LAMA2: variants seen among roughly 807,000 people sequenced by gnomAD.
LAMA2 encodes the protein laminin subunit alpha-2.
Under a neutral mutation model 364.8 loss-of-function variants are expected in LAMA2, and 269 were observed. The observed-to-expected ratio is 0.74, with a 90% CI of 0.67 to 0.82. The LOEUF is 0.82. Among genes scored for constraint, LAMA2 ranks in the 40% least tolerant of loss-of-function variants. LAMA2 has a pLI of 0.00. For missense variants in LAMA2, 3,807 were observed against 3,873.2 expected (o/e 0.98, Z 0.45); for synonymous variants, 1,379 against 1,370.6 (o/e 1.01, Z -0.14).
Position 129,464,430 on chromosome 6 carries a change from T to C in LAMA2, c.7133T>C (p.Met2378Thr). The C allele has an allele frequency of 6.2e-7, 1 of 1,612,282 alleles. No individual in the cohort carries two copies. The highest frequency in any genetic ancestry group is 1.3e-5 in the African/African-American group (1 of 74,910). The change falls in exon 50 of 65, where the codon ATG becomes ACG. Residue 2378 changes from methionine to threonine, a missense_variant. This residue lies in a region of LAMA2 where 3,333 missense variants were observed against 3,345.7 expected (regional missense o/e 1.00). Transcript: ENST00000421865. ...ACATTTTCTTCGAGTGCTCTTCTGA[T>C]GTATCTTGCCACACGAGACCTGGTA... The part of the protein sequence containing the change: ...FRTFSSSALL[M>T]YLATRDLRDF...
At chr6:129,025,238 C>T (rs1410530339) in intron 1 of LAMA2, among the ~76,000 whole-genome samples, 1 of 152,190 alleles carries the variant, frequency 6.6e-6, no homozygotes, top group Non-Finnish European at 1.5e-5. Context: ...AGTACATCTT[C>T]CACTTCTAGT....
chr6:129,202,065 G>A (rs1223526553), intron 12 of LAMA2, among the ~76,000 whole-genome samples: 2 of 151,528 alleles, frequency 1.3e-5, no homozygotes, highest in African/African-American at 4.9e-5. Context: ...GTGCACACCT[G>A]TAGTCCCAGC....
At chr6:129,098,590 A>G (rs1775326170) in intron 4 of LAMA2, among the ~76,000 whole-genome samples, 175 bp downstream of exon 4, 1 of 152,236 alleles carries the variant, frequency 6.6e-6, no homozygotes, top group African/African-American at 2.4e-5. Context: ...TTAGAATTTT[A>G]ACTACCTTCA....
At chr6:129,375,862 C>T (rs748801005) in intron 34 of LAMA2, among the ~76,000 whole-genome samples, 2 of 152,186 alleles carry the variant, frequency 1.3e-5, no homozygotes, top group Non-Finnish European at 2.9e-5. Flanking sequence ...CATTATTTCT[C>T]CTGTGTAGAA....
intron 1 of LAMA2, among the ~76,000 whole-genome samples, chr6:128,917,101 T>A (rs997572144): frequency 8.5e-5 from 13 of 152,092 alleles, no homozygotes; most frequent in Non-Finnish European, 1.6e-4. Context: ...TTTCCTTTTT[T>A]AAAATCCCAT....
intron 40 of LAMA2, among the ~76,000 whole-genome samples, chr6:129,415,152 T>C (rs1780720210): frequency 6.6e-6 from 1 of 152,232 alleles, no homozygotes; most frequent in South Asian, 2.1e-4. Flanking sequence ...CCTTTTTTCC[T>C]CGTCCTCTCA....
At chr6:129,158,675 G>C (rs1266897920) in intron 8 of LAMA2, 1 of 1,614,012 alleles carries the variant, frequency 6.2e-7, no homozygotes, top group Non-Finnish European at 8.5e-7. Context: ...ATCGAATGCT[G>C]CCATCAAAAA....
rs760368292 is a variant in LAMA2 at position 129,465,160 on chromosome 6, G to C, written c.7171G>C (p.Val2391Leu). The C allele has an allele frequency of 3.7e-6, 6 of 1,610,672 alleles. No individual in the cohort carries two copies. The East Asian group carries it at 1.3e-4, about 36-fold the overall frequency. The change falls in exon 51 of 65, where the codon GTG becomes CTG. Residue 2391 changes from valine to leucine, a missense_variant. Val to Leu is a conservative substitution (Grantham distance 32, BLOSUM62 1). This residue lies in a region of LAMA2 where 3,333 missense variants were observed against 3,345.7 expected (regional missense o/e 1.00). Transcript: ENST00000421865. ...ATRDLRDFMS[V>L]ELTDGHIKVS... ...CTATTAATAGAGAGATTTCATGAGTGTGGAGCTCACTGATGGGCACATAAA... is the reference window on the plus strand; with the variant it reads ...CTATTAATAGAGAGATTTCATGAGTCTGGAGCTCACTGATGGGCACATAAA...
intron 22 of LAMA2, among the ~76,000 whole-genome samples, chr6:129,301,657 C>T (rs1773557406): frequency 6.6e-6 from 1 of 152,006 alleles, no homozygotes. Flanking sequence ...GGAGCAAGTT[C>T]AGGAAGGAAA....
intron 1 of LAMA2, among the ~76,000 whole-genome samples, chr6:128,906,076 A>G (rs1264321798): frequency 1.3e-5 from 2 of 149,682 alleles, no homozygotes; most frequent in Non-Finnish European, 3.0e-5. Flanking sequence ...GCTATTGTGA[A>G]TAGTGCCGCA....
intron 40 of LAMA2, among the ~76,000 whole-genome samples, chr6:129,418,139 C>T (rs1325954067): frequency 3.3e-5 from 5 of 152,136 alleles, no homozygotes; most frequent in Non-Finnish European, 7.3e-5. Context: ...GTTTTCATCG[C>T]CTGCTCCCTC....
intron 4 of LAMA2, among the ~76,000 whole-genome samples, chr6:129,103,641 T>C (rs1411779012): frequency 1.3e-5 from 2 of 152,174 alleles, no homozygotes; most frequent in East Asian, 1.9e-4. Flanking sequence ...TTGCCTGATG[T>C]TTTTTCATGG....
chr6:129,486,726 A>G (rs1356203039), intron 56 of LAMA2, 104 bp downstream of exon 56: 15 of 1,008,248 alleles, frequency 1.5e-5, no homozygotes, highest in Non-Finnish European at 2.4e-5. Flanking sequence ...GTGTGGACCT[A>G]CTATGCATTG....
In LAMA2 at chr6:128,988,419, G is replaced by A. The variant is rs571097798; in HGVS notation, c.113-61499G>A. Among the ~76,000 whole-genome samples, 66 of 152,200 alleles carry A rather than the reference G, an allele frequency of 4.3e-4. 2 individuals carry two copies. The South Asian group carries it at 0.012, about 29-fold the overall frequency. ...TTTTAGGTAAAAAAAAATATGCAAA[G>A]TATAAAATATTTGTATGGGCAAATG... On this transcript the variant is annotated intron_variant, in intron 1 of 64. Coordinates refer to ENST00000421865, the MANE Select transcript of LAMA2 (RefSeq NM_000426.4).
rs74830689 is a variant in LAMA2, at chr6:129,379,097, A to T, written c.4960-4025A>T. Among the ~76,000 whole-genome samples, 565 of 152,320 alleles carry T rather than the reference A, an allele frequency of 3.7e-3. 1 individual carries two copies. The highest frequency in any genetic ancestry group is 0.013 in the African/African-American group (544 of 41,578). On this transcript the variant is annotated intron_variant, in intron 34 of 64. Coordinates refer to ENST00000421865, the MANE Select transcript of LAMA2 (RefSeq NM_000426.4). The stretch of plus-strand genomic sequence containing the variant: ...TGGAGGACATTACCCTTAGCAAACT[A>T]ACACAGGAACAGAAAATCAAATACT...
At chr6:129,196,850 C>T (rs1781880905) in intron 12 of LAMA2, among the ~76,000 whole-genome samples, 2 of 152,270 alleles carry the variant, frequency 1.3e-5, no homozygotes, top group Middle Eastern at 3.4e-3. Context: ...CTAGAATAAA[C>T]TGAATGAATT....
chr6:129,280,141 G>A lies in LAMA2; in HGVS notation c.2531G>A (p.Cys844Tyr). The change falls in exon 18 of 65, where the codon TGT becomes TAT. Residue 844 changes from cysteine to tyrosine, a missense_variant. Coordinates refer to ENST00000421865, the MANE Select transcript of LAMA2 (RefSeq NM_000426.4). ...CCTGTCGGGTACACAGGACCACGCT[G>A]TGAGAGGTAAGAGTATACTACACTG... ...GCPVGYTGPR[C>Y]ERCAEGYFGQ... The A allele has an allele frequency of 6.2e-7, 1 of 1,602,688 alleles. No homozygotes were observed. The highest frequency in any genetic ancestry group is 1.7e-5 in the Admixed American group (1 of 59,892).
chr6:129,018,880 T>C (rs1346818279), intron 1 of LAMA2, among the ~76,000 whole-genome samples: 2 of 152,164 alleles, frequency 1.3e-5, no homozygotes, highest in Non-Finnish European at 2.9e-5. Flanking sequence ...GAGGTTAATT[T>C]TATTTGTTTA....
chr6:129,106,438 T>C (rs1775829581), intron 4 of LAMA2, among the ~76,000 whole-genome samples: 1 of 152,196 alleles, frequency 6.6e-6, no homozygotes, highest in Admixed American at 6.5e-5. Context: ...GACCTAGCCT[T>C]TCTCAATTAC....
Sources: allele counts gnomAD v4.1 joint callset (sites outside exome capture counted in the v4.1 genomes callset), GRCh38; gene constraint gnomAD v4.1.1; regional missense constraint gnomAD v4.1.1; transcripts MANE v1.5; gene names NCBI Gene and HGNC (gene_info 2026-07-23, HGNC 2026-07-21).